The following AP3B1 variants were observed in gnomAD, a reference collection of about 807,000 sequenced individuals.
The protein encoded by AP3B1 is adaptor related protein complex 3 subunit beta 1.
AP3B1 carries 61 observed loss-of-function variants against 132.5 expected under a neutral mutation model. The ratio of observed to expected loss-of-function variants is 0.46; its 90% CI spans 0.37 to 0.57. The LOEUF is 0.57. AP3B1 is among the 20% of genes least tolerant of loss of function. The probability of loss-of-function intolerance (pLI) is 0.00; values close to 1 mark genes in which losing one functional copy is unlikely to be tolerated. For synonymous variants in AP3B1, 388 were observed against 438.3 expected, an observed-to-expected ratio of 0.89 and a Z score of 1.43; for missense variants, 1,120 against 1,289.4, an observed-to-expected ratio of 0.87 and a Z score of 2.01.
chr5:78,160,487 G>A (rs1166638458), intron 13 of AP3B1, among the ~76,000 whole-genome samples: 10 of 152,052 alleles, frequency 6.6e-5, no homozygotes, highest in Admixed American at 6.6e-4. Flanking sequence ...CTTCAAGTCT[G>A]CTTAGAAAGG....
rs4703753 is a variant in AP3B1, at chr5:78,097,594, C to T, written c.2470+3359G>A. On this transcript the variant is annotated intron_variant, in intron 21 of 26. Coordinates refer to ENST00000255194, the MANE Select transcript of AP3B1 (RefSeq NM_003664.5). Reference sequence around the variant, plus strand: ...CCCCCGCCCGGCCAGCCGCCCCGTCCGGGAGGGAGGTGGGGGGGTCAGCCC... The same window carrying T: ...CCCCCGCCCGGCCAGCCGCCCCGTCTGGGAGGGAGGTGGGGGGGTCAGCCC... Among the ~76,000 whole-genome samples the T allele has an allele frequency of 4.3e-3, 420 of 96,984 alleles. 92 individuals are homozygous for T. Among genetic ancestry groups the T allele is most frequent in the Admixed American group, 0.024 (197 of 8,044 alleles). 63.6% of individuals were successfully genotyped at this position (96,984 alleles called of 152,430 possible).
intron 15 of AP3B1, among the ~76,000 whole-genome samples, chr5:78,140,320 G>A (rs532869341): frequency 5.3e-5 from 8 of 152,220 alleles, no homozygotes; most frequent in Non-Finnish European, 7.4e-5. Flanking sequence ...CACTCCATGC[G>A]TTCAAACTGC....
chr5:78,020,800 A>G lies in AP3B1; in HGVS notation c.2895-11T>C. 6.3e-7 allele frequency: 1 copy of G among 1,593,480 alleles called. No homozygotes were observed. Among genetic ancestry groups the G allele is most frequent in the Non-Finnish European group, 8.6e-7 (1 of 1,162,996 alleles). ...CAATCATCCTTGGTACTGAAGAAAA[A>G]CAATCAAAGCTGACTAAATGCTTCA... On this transcript the variant is annotated splice_polypyrimidine_tract_variant and intron_variant, in intron 24 of 26. Coordinates refer to ENST00000255194, the MANE Select transcript of AP3B1 (RefSeq NM_003664.5).
At chr5:78,099,201 C>A (rs1165581435) in intron 21 of AP3B1, among the ~76,000 whole-genome samples, 2 of 152,170 alleles carry the variant, frequency 1.3e-5, no homozygotes, top group Non-Finnish European at 2.9e-5. Flanking sequence ...TTCCCAGCCT[C>A]CAGAACTACG....
chr5:78,092,101 GT>G (rs1300641550), intron 21 of AP3B1, among the ~76,000 whole-genome samples: 2 of 152,170 alleles, frequency 1.3e-5, no homozygotes, highest in Non-Finnish European at 2.9e-5. Context: ...CTAAATGCAT[GT>G]TTATTCATTC....
intron 7 of AP3B1, among the ~76,000 whole-genome samples, chr5:78,209,855 GTAAAATTTAAAGT>G (rs1745660862): frequency 6.6e-6 from 1 of 151,834 alleles, no homozygotes; most frequent in South Asian, 2.1e-4. Flanking sequence ...ATGTTCCTTG[GTAAAATTTAAAGT>G]TTTCTTTTTT....
chr5:78,110,465 TA>T lies in AP3B1; in HGVS notation c.2250-112del. 7 of 749,378 alleles carry T rather than the reference TA, an allele frequency of 9.3e-6. 1 individual carries two copies. The South Asian group carries it at 1.3e-4, about 14-fold the overall frequency. The allele number at this position is 749,378 out of a possible 1,614,324, so 46.4% of individuals were successfully genotyped here. On this transcript the variant is annotated intron_variant, in intron 19 of 26. Coordinates refer to ENST00000255194, the MANE Select transcript of AP3B1 (RefSeq NM_003664.5). ...TACATTAATGAGGTAATAAAAAAGG[TA>T]TTACCCATAACCAAATAAATTAGAA...
intron 1 of AP3B1, among the ~76,000 whole-genome samples, chr5:78,275,225 G>A (rs1748724066): frequency 6.6e-6 from 1 of 152,088 alleles, no homozygotes; most frequent in Admixed American, 6.5e-5. Flanking sequence ...AGGGCTGAAA[G>A]AGAAAAGAAT....
chr5:78,034,529 T>C, intron 23 of AP3B1, 84 bp from the exon 24 acceptor site: 1 of 1,056,196 alleles, frequency 9.5e-7, no homozygotes, highest in East Asian at 2.4e-5. Context: ...AGGTAATGTT[T>C]GTAGCTTGGT....
At chr5:78,285,050 A>C (rs1452127683) in intron 1 of AP3B1, among the ~76,000 whole-genome samples, 1 of 152,156 alleles carries the variant, frequency 6.6e-6, no homozygotes, top group Non-Finnish European at 1.5e-5. Flanking sequence ...GATGGAGACC[A>C]TCCCGGCTAA....
chr5:78,214,000 C>A (rs2112473770), intron 7 of AP3B1, among the ~76,000 whole-genome samples: 1 of 152,336 alleles, frequency 6.6e-6, no homozygotes. Flanking sequence ...GTCTAGAGCA[C>A]CCCTGCCCTG....
intron 26 of AP3B1, among the ~76,000 whole-genome samples, chr5:78,007,724 T>C (rs1561349424): frequency 6.6e-6 from 1 of 152,188 alleles, no homozygotes; most frequent in Non-Finnish European, 1.5e-5. Flanking sequence ...GTTATTATAG[T>C]AGAACATTTT....
At chr5:78,118,868 ACTGCCTCCTCAAGTGGGTCCCTGACCCC>A (rs1293845013) in intron 17 of AP3B1, among the ~76,000 whole-genome samples, 1 of 152,184 alleles carries the variant, frequency 6.6e-6, no homozygotes, top group Non-Finnish European at 1.5e-5. Flanking sequence ...GAACGGGCAG[ACTGCCTCCTCAAGTGGGTCCCTGACCCC>A]CAAGCAGCCT....
intron 11 of AP3B1, among the ~76,000 whole-genome samples, chr5:78,170,153 T>C (rs1743849351): frequency 6.6e-6 from 1 of 152,202 alleles, no homozygotes; most frequent in South Asian, 2.1e-4. Flanking sequence ...ATTCAGTCTA[T>C]CATTGATGGA....
chr5:78,184,547 G>A (rs1047009107), intron 7 of AP3B1, among the ~76,000 whole-genome samples: 1 of 151,046 alleles, frequency 6.6e-6, no homozygotes, highest in Admixed American at 6.7e-5. Context: ...AAGTAGCCAG[G>A]CATGGTGGTG....
chr5:78,004,256 C>T (rs1410298553), intron 26 of AP3B1, among the ~76,000 whole-genome samples: 2 of 152,292 alleles, frequency 1.3e-5, no homozygotes, highest in East Asian at 3.9e-4. Flanking sequence ...CAGCACGCTG[C>T]GGACTATTCA....
intron 2 of AP3B1, among the ~76,000 whole-genome samples, chr5:78,262,301 T>A (rs1748128152): frequency 6.6e-6 from 1 of 152,206 alleles, no homozygotes. Flanking sequence ...CTATGCCAAA[T>A]CCAATGTCAT....
At position 78,101,280 on chromosome 5, in the gene AP3B1, T is replaced by C. The variant is rs115901578; in HGVS notation, c.2398-255A>G. On this transcript the variant is annotated intron_variant, in intron 20 of 26. Coordinates refer to ENST00000255194, the MANE Select transcript of AP3B1 (RefSeq NM_003664.5). Reference sequence around the variant, plus strand: ...TAAATGTCAGAACAAAATTTAAAGGTATGTAATTATTCTACAATCGGACAA... The same window carrying C: ...TAAATGTCAGAACAAAATTTAAAGGCATGTAATTATTCTACAATCGGACAA... 1,525 of 478,538 alleles carry C rather than the reference T, an allele frequency of 3.2e-3. 19 individuals are homozygous for C. The highest frequency in any genetic ancestry group is 0.026 in the African/African-American group (1,322 of 50,564). 29.6% of individuals were successfully genotyped at this position (478,538 alleles called of 1,614,324 possible).
chr5:78,078,966 G>C (rs1749873694), intron 22 of AP3B1, among the ~76,000 whole-genome samples: 1 of 152,170 alleles, frequency 6.6e-6, no homozygotes, highest in Admixed American at 6.5e-5. Flanking sequence ...CTGCCTTACA[G>C]ATTTCAGATA....
Sources: allele counts gnomAD v4.1 joint callset (sites outside exome capture counted in the v4.1 genomes callset), GRCh38; gene constraint gnomAD v4.1.1; transcripts MANE v1.5; gene names NCBI Gene and HGNC (gene_info 2026-07-23, HGNC 2026-07-21).